Variants in VAMP4 observed in about 807,000 individuals in gnomAD.
The protein encoded by VAMP4 is vesicle associated membrane protein 4.
VAMP4 carries 19 observed loss-of-function variants against 23.5 expected under a neutral mutation model. The observed-to-expected ratio is 0.81, with a 90% CI of 0.56 to 1.19. The LOEUF (loss-of-function observed/expected upper bound fraction) is 1.19, where lower values mean the gene tolerates loss of function less well. VAMP4 is among the 50% of genes most tolerant of loss of function. VAMP4 has a pLI of 0.00. For synonymous variants in VAMP4, 31 were observed against 51.0 expected (o/e 0.61, Z 1.67); for missense variants, 145 against 168.6 (o/e 0.86, Z 0.78).
chr1:171,738,731 A>T (rs1655822937), intron 1 of VAMP4, among the ~76,000 whole-genome samples: 1 of 152,226 alleles, frequency 6.6e-6, no homozygotes, highest in Non-Finnish European at 1.5e-5. Flanking sequence ...TTATAAAATG[A>T]AAGAGCAGAG....
At chr1:171,719,960 C>T (rs1371180166) in intron 3 of VAMP4, among the ~76,000 whole-genome samples, 3 of 151,466 alleles carry the variant, frequency 2.0e-5, no homozygotes, top group Non-Finnish European at 4.4e-5. Context: ...AAACCAGGTT[C>T]TTAGATTTCT....
At chr1:171,705,240 A>G (rs1654612857) in intron 7 of VAMP4, among the ~76,000 whole-genome samples, 1 of 152,130 alleles carries the variant, frequency 6.6e-6, no homozygotes, top group Non-Finnish European at 1.5e-5. Flanking sequence ...ACTGTGCTCA[A>G]GGCCAACAGC....
chr1:171,726,623 G>A (rs1373114676), intron 3 of VAMP4, among the ~76,000 whole-genome samples: 1 of 152,060 alleles, frequency 6.6e-6, no homozygotes, highest in African/African-American at 2.4e-5. Flanking sequence ...TATTCCCCCA[G>A]TTTCATCCTT....
intron 3 of VAMP4, among the ~76,000 whole-genome samples, chr1:171,719,676 G>A (rs1297097289): frequency 1.3e-5 from 2 of 152,048 alleles, no homozygotes; most frequent in African/African-American, 4.8e-5. Context: ...GACAAAGATG[G>A]ATATAGAGAA....
intron 4 of VAMP4, among the ~76,000 whole-genome samples, chr1:171,713,389 C>T (rs565712325): frequency 1.3e-5 from 2 of 151,912 alleles, no homozygotes; most frequent in East Asian, 3.9e-4. Flanking sequence ...CTCCTATACA[C>T]GATCAGATTA....
rs775109063 is a variant in VAMP4 at position 171,710,822 on chromosome 1, A to T, written c.165-8T>A. 3.2e-6 allele frequency: 5 copies of T among 1,561,928 alleles called. No homozygotes were observed. Among genetic ancestry groups the T allele is most frequent in the African/African-American group, 1.4e-5 (1 of 73,324 alleles). ...TCCACTTGATTCTGAACACTAGTTTAAAAAAGATACACAATTATTTATCCT... is the reference window on the plus strand; with the variant it reads ...TCCACTTGATTCTGAACACTAGTTTTAAAAAGATACACAATTATTTATCCT... On this transcript the variant is annotated splice_polypyrimidine_tract_variant and splice_region_variant and intron_variant, in intron 4 of 7. Transcript: ENST00000236192.
At position 171,738,506 on chromosome 1, in the gene VAMP4, C is replaced by T. The variant is rs111423977; in HGVS notation, c.-49-43G>A. The T allele has an allele frequency of 2.8e-5, 37 of 1,305,164 alleles. 2 individuals are homozygous for T. The highest frequency in any genetic ancestry group is 2.2e-4 in the African/African-American group (15 of 67,874). 80.8% of individuals were successfully genotyped at this position (1,305,164 alleles called of 1,614,324 possible). On this transcript the variant is annotated intron_variant, in intron 1 of 7. Transcript: ENST00000236192. ...TTTCATCAGATTTGAGACTTTGGGG[C>T]ATAAGCTAATGTACTTAAAACAGTG...
At chr1:171,711,819 C>T (rs1426832935) in intron 4 of VAMP4, among the ~76,000 whole-genome samples, 3 of 152,178 alleles carry the variant, frequency 2.0e-5, no homozygotes, top group Non-Finnish European at 2.9e-5. Flanking sequence ...CAGACATGTA[C>T]TGCATAACAT....
At chr1:171,723,845 A>G (rs1470492809) in intron 3 of VAMP4, among the ~76,000 whole-genome samples, 3 of 152,170 alleles carry the variant, frequency 2.0e-5, no homozygotes, top group African/African-American at 7.2e-5. Flanking sequence ...ATGTTCAGAG[A>G]TTGCAATAAA....
chr1:171,709,353 G>C (rs1654770732), intron 6 of VAMP4, among the ~76,000 whole-genome samples: 1 of 151,920 alleles, frequency 6.6e-6, no homozygotes, highest in South Asian at 2.1e-4. Context: ...AGTATTAATA[G>C]TAAATTTCAA....
intron 6 of VAMP4, among the ~76,000 whole-genome samples, 196 bp downstream of exon 6, chr1:171,709,469 C>T (rs1267399082): frequency 6.6e-6 from 1 of 152,102 alleles, no homozygotes; most frequent in Non-Finnish European, 1.5e-5. Context: ...TCCTTTTAGG[C>T]ATACTGATTT....
Position 171,704,455 on chromosome 1 carries a change from A to ATCTT in VAMP4, c.*47_*50dup, listed in dbSNP as rs772820833. On this transcript the variant is annotated 3_prime_UTR_variant, in exon 8 of 8. Transcript: ENST00000236192. The stretch of plus-strand genomic sequence containing the variant: ...TAGGTTTCATTTAAATTATGCAGCA[A>ATCTT]TCTTTTATTACTGTCCCAGATCTTG... 6.7e-7 allele frequency: 1 copy of ATCTT among 1,481,890 alleles called. No homozygotes were observed. Among genetic ancestry groups the ATCTT allele is most frequent in the South Asian group, 1.3e-5 (1 of 75,030 alleles). 91.8% of individuals were successfully genotyped at this position (1,481,890 alleles called of 1,614,324 possible).
chr1:171,710,668 C>A, intron 5 of VAMP4, 46 bp downstream of exon 5: 1 of 1,469,624 alleles, frequency 6.8e-7, no homozygotes, highest in Non-Finnish European at 9.3e-7. Context: ...AAGACAAAAA[C>A]TAGCAAACAG....
chr1:171,713,669 CA>C (rs971627653), intron 4 of VAMP4, among the ~76,000 whole-genome samples: 3 of 151,914 alleles, frequency 2.0e-5, no homozygotes, highest in Non-Finnish European at 4.4e-5. Context: ...CTTGTCTTTA[CA>C]AAAAAATTTA....
intron 1 of VAMP4, among the ~76,000 whole-genome samples, chr1:171,740,815 A>G (rs1055491251): frequency 6.6e-6 from 1 of 152,214 alleles, no homozygotes; most frequent in African/African-American, 2.4e-5. Context: ...TAAAACTACA[A>G]TCTTAAGGAT....
chr1:171,725,336 T>C (rs774307483), intron 3 of VAMP4, among the ~76,000 whole-genome samples: 13 of 152,208 alleles, frequency 8.5e-5, no homozygotes, highest in Non-Finnish European at 1.6e-4. Flanking sequence ...AGGCTTGTGC[T>C]ATTAATTCTA....
At chr1:171,706,340 G>T in intron 7 of VAMP4, 27 bp downstream of exon 7, 1 of 1,588,612 alleles carries the variant, frequency 6.3e-7, no homozygotes, top group East Asian at 2.3e-5. Flanking sequence ...TGATACCCTA[G>T]GAAGTAATAA....
chr1:171,714,970 A>G (rs929571890), intron 4 of VAMP4, among the ~76,000 whole-genome samples: 15 of 152,176 alleles, frequency 9.9e-5, no homozygotes, highest in Non-Finnish European at 2.1e-4. Context: ...AGATGACATC[A>G]AGACCCCTGT....
At chr1:171,726,558 C>A (rs984697210) in intron 3 of VAMP4, among the ~76,000 whole-genome samples, 1 of 152,100 alleles carries the variant, frequency 6.6e-6, no homozygotes, top group African/African-American at 2.4e-5. Context: ...CAAGGTAATT[C>A]AGTGGGGAAA....
Sources: allele counts gnomAD v4.1 joint callset (sites outside exome capture counted in the v4.1 genomes callset), GRCh38; gene constraint gnomAD v4.1.1; transcripts MANE v1.5; gene names NCBI Gene and HGNC (gene_info 2026-07-23, HGNC 2026-07-21).